TEX2: variants seen among roughly 807,000 people sequenced by gnomAD.
TEX2 encodes testis expressed 2.
Under a neutral mutation model 106.9 loss-of-function variants are expected in TEX2, and 53 were observed. The observed-to-expected ratio is 0.50, with a 90% confidence interval of 0.40 to 0.62. The LOEUF is 0.62. Ranked by LOEUF, TEX2 falls within the 20% of genes least tolerant of loss-of-function variation. TEX2 has a pLI of 0.00. For missense variants in TEX2, 1,207 were observed against 1,379.0 expected (o/e 0.88, Z 1.98); for synonymous variants, 523 against 534.8 (o/e 0.98, Z 0.30).
chr17:64,149,051 G>C lies in TEX2; in HGVS notation c.3302C>G (p.Thr1101Ser), dbSNP rs1468491773. 6 of 1,614,088 alleles carry C rather than the reference G, an allele frequency of 3.7e-6. No homozygotes were observed. Among genetic ancestry groups the C allele is most frequent in the Non-Finnish European group, 5.1e-6 (6 of 1,179,926 alleles). The change falls in exon 12 of 12, where the codon ACT becomes AGT. Residue 1101 changes from threonine to serine, a missense_variant. Transcript: ENST00000584379. ...VMPNMDDVYITIMHSAMDPRS... is the reference protein window; with the variant it reads ...VMPNMDDVYISIMHSAMDPRS... ...AGGGTCCATGGCTGAGTGCATTATA[G>C]TGATATAAACATCATCCATGTTTGG...
rs534431789 is a variant in TEX2, at chr17:64,245,062, C to T, written c.-26+18106G>A. ...TGAAAGGCTGAAAAATGACTGCTTT[C>T]TGCTTGCTCTCCTGAACTACAATCT... On this transcript the variant is annotated intron_variant, in intron 1 of 11. Coordinates refer to ENST00000584379, the MANE Select transcript of TEX2 (RefSeq NM_001288732.2). Among the ~76,000 whole-genome samples, 6 of 152,324 alleles carry T rather than the reference C, an allele frequency of 3.9e-5. No individual in the cohort carries two copies. The South Asian group carries it at 1.0e-3, about 26-fold the overall frequency.
intron 1 of TEX2, among the ~76,000 whole-genome samples, chr17:64,247,417 C>G (rs1555636402): frequency 1.3e-5 from 2 of 152,140 alleles, no homozygotes; most frequent in African/African-American, 4.8e-5. Context: ...ACTAAGAAAA[C>G]TGAAGGAGAA....
intron 7 of TEX2, among the ~76,000 whole-genome samples, chr17:64,165,325 T>C (rs1414044414): frequency 6.6e-6 from 1 of 152,214 alleles, no homozygotes; most frequent in African/African-American, 2.4e-5. Context: ...CTTATCTACC[T>C]GTAACTGTCC....
chr17:64,226,886 T>C (rs1405791683), intron 1 of TEX2, among the ~76,000 whole-genome samples: 2 of 151,962 alleles, frequency 1.3e-5, no homozygotes, highest in African/African-American at 4.8e-5. Flanking sequence ...TAAAAAATAA[T>C]GGGTGCATCC....
At position 64,262,489 on chromosome 17, in the gene TEX2, C is replaced by T. The variant is rs542023535; in HGVS notation, c.-26+679G>A. ...TGGTGCAATGTGGCCAGCCGTTCCC[C>T]GCCTTCTCCGGTTCCACCGTATGGT... On this transcript the variant is annotated intron_variant, in intron 1 of 11. Transcript: ENST00000584379. Among the ~76,000 whole-genome samples the T allele has an allele frequency of 3.9e-5, 6 of 152,370 alleles. No homozygotes were observed. In the South Asian group the frequency reaches 1.2e-3, roughly 32 times the overall value.
At chr17:64,248,894 G>T (rs968316233) in intron 1 of TEX2, among the ~76,000 whole-genome samples, 1 of 152,068 alleles carries the variant, frequency 6.6e-6, no homozygotes, top group African/African-American at 2.4e-5. Flanking sequence ...AATTTACCAG[G>T]CCTGGTGGTG....
chr17:64,211,704 TG>T lies in TEX2; in HGVS notation c.1644+869del, dbSNP rs111245317. Among the ~76,000 whole-genome samples the T allele has an allele frequency of 1.1e-4, 17 of 151,844 alleles. 1 individual carries two copies. The highest frequency in any genetic ancestry group is 8.5e-4 in the Admixed American group (13 of 15,254). ...AAACATTCATCGATTTTGGTATCCT[TG>T]GGGGGGGTCCTGAAACCAATGCCCC... is the stretch of plus-strand genomic sequence containing the variant. On this transcript the variant is annotated intron_variant, in intron 2 of 11. Transcript: ENST00000584379.
intron 5 of TEX2, among the ~76,000 whole-genome samples, chr17:64,181,207 G>A (rs1055130429): frequency 6.6e-6 from 1 of 152,116 alleles, no homozygotes; most frequent in Non-Finnish European, 1.5e-5. Context: ...GCCGGGCGTG[G>A]TGGTTCATGC....
At chr17:64,216,889 G>T (rs938013710) in intron 1 of TEX2, among the ~76,000 whole-genome samples, 2 of 152,170 alleles carry the variant, frequency 1.3e-5, no homozygotes, top group Non-Finnish European at 2.9e-5. Context: ...GTGGCCAGAT[G>T]GGGGCAGGCT....
At chr17:64,251,413 A>G (rs1192708016) in intron 1 of TEX2, among the ~76,000 whole-genome samples, 1 of 152,198 alleles carries the variant, frequency 6.6e-6, no homozygotes, top group African/African-American at 2.4e-5. Context: ...ATAAAGCTTA[A>G]AGCCTTCTTA....
chr17:64,177,116 G>C (rs1030171146), intron 6 of TEX2, among the ~76,000 whole-genome samples: 2 of 152,174 alleles, frequency 1.3e-5, no homozygotes, highest in East Asian at 3.8e-4. Flanking sequence ...ACAAGAAAAT[G>C]AGTAAACATT....
Position 64,179,456 on chromosome 17 carries a change from T to C in TEX2, c.2425-1985A>G, listed in dbSNP as rs1288838326. On this transcript the variant is annotated intron_variant, in intron 5 of 11. Transcript: ENST00000584379. ...AACCTGCTTGGGTGCCCTTACACAG[T>C]GTGGAAGCTTTGTACTTTTGCTCTT... 3.3e-5 allele frequency among the ~76,000 whole-genome samples: 5 copies of C among 152,312 alleles called. No individual in the cohort carries two copies. In the East Asian group the frequency reaches 7.7e-4, roughly 23 times the overall value.
intron 4 of TEX2, among the ~76,000 whole-genome samples, chr17:64,192,571 G>A (rs1320115898): frequency 6.6e-6 from 1 of 152,120 alleles, no homozygotes; most frequent in African/African-American, 2.4e-5. Flanking sequence ...CCCAGCTTGT[G>A]GTATTTTGTC....
Position 64,187,084 on chromosome 17 carries a change from G to A in TEX2, c.2424+1084C>T, listed in dbSNP as rs757854551. ...GCCTCAGTTTCTCCGCTTACAAAAT[G>A]GAGACAATCCTGTCTAGTTTGCAGG... is the stretch of plus-strand genomic sequence containing the variant. On this transcript the variant is annotated intron_variant, in intron 5 of 11. Transcript: ENST00000584379. Among the ~76,000 whole-genome samples the A allele has an allele frequency of 3.3e-4, 51 of 152,334 alleles. No homozygotes were observed. In the Middle Eastern group the frequency reaches 0.01, roughly 30 times the overall value.
At chr17:64,200,186 T>C (rs1555629932) in intron 2 of TEX2, among the ~76,000 whole-genome samples, 1 of 152,142 alleles carries the variant, frequency 6.6e-6, no homozygotes, top group Non-Finnish European at 1.5e-5. Context: ...AACATATCAT[T>C]TTTTTAGCTT....
intron 4 of TEX2, among the ~76,000 whole-genome samples, chr17:64,188,806 A>G (rs1390485313): frequency 6.8e-6 from 1 of 147,506 alleles, no homozygotes; most frequent in Non-Finnish European, 1.5e-5. Context: ...ACAGAGCGAG[A>G]CTCCATCTCA....
rs1429812985 is a variant in TEX2, at chr17:64,193,706, C to T, written c.2029G>A (p.Gly677Arg). The change falls in exon 4 of 12, where the codon GGA (glycine) becomes AGA (arginine). Residue 677 changes from glycine (G) to arginine (R), a missense_variant. Around this residue, in one of 3 missense-constraint regions of TEX2, gnomAD observed 1,067 missense variants for 1,193.6 expected, o/e 0.89. Transcript: ENST00000584379. The stretch of plus-strand genomic sequence containing the variant: ...TGATCTCGCTGGCTAGATCTTGTTC[C>T]CTCCTGAGGGCGGGGTGGCTTCTTA... ...DPKKPPRPQEGTRSSQRDQIL... is the reference protein window; with the variant it reads ...DPKKPPRPQERTRSSQRDQIL... The T allele has an allele frequency of 1.9e-6, 3 of 1,611,972 alleles. No individual in the cohort carries two copies. The highest frequency in any genetic ancestry group is 1.7e-4 in the Middle Eastern group (1 of 6,048).
intron 1 of TEX2, among the ~76,000 whole-genome samples, chr17:64,239,904 A>AAAAAAAAAAAAAAAAAAAAAAAAG (rs781859721): frequency 8.4e-6 from 1 of 118,790 alleles, no homozygotes; most frequent in African/African-American, 3.2e-5. Context: ...AAAAAAAAAA[A>AAAAAAAAAAAAAAAAAAAAAAAAG]GCAGAGAAGA....
At chr17:64,166,683 G>C (rs1423531927) in intron 7 of TEX2, among the ~76,000 whole-genome samples, 1 of 152,202 alleles carries the variant, frequency 6.6e-6, no homozygotes, top group African/African-American at 2.4e-5. Flanking sequence ...GGTAACCCTG[G>C]TTATCTCTGA....
Sources: allele counts gnomAD v4.1 joint callset (sites outside exome capture counted in the v4.1 genomes callset), GRCh38; gene constraint gnomAD v4.1.1; regional missense constraint gnomAD v4.1.1; transcripts MANE v1.5; gene names NCBI Gene and HGNC (gene_info 2026-07-23, HGNC 2026-07-21).